Variants in CNTN5 observed in about 807,000 individuals in gnomAD.
The protein encoded by CNTN5 is contactin-5.
CNTN5 carries 77 observed loss-of-function variants against 129.1 expected under a neutral mutation model. The ratio of observed to expected loss-of-function variants is 0.60; its 90% CI spans 0.50 to 0.72. The LOEUF is 0.72. Among genes scored for constraint, CNTN5 ranks in the 30% least tolerant of loss-of-function variants. The pLI is 0.00. For missense variants in CNTN5, 1,478 were observed against 1,328.8 expected, an observed-to-expected ratio of 1.11 and a Z score of -1.75; for synonymous variants, 509 against 465.6, an observed-to-expected ratio of 1.09 and a Z score of -1.20.
chr11:99,309,984 A>T (rs952098304), intron 1 of CNTN5, among the ~76,000 whole-genome samples: 1 of 152,198 alleles, frequency 6.6e-6, no homozygotes, highest in Non-Finnish European at 1.5e-5. Flanking sequence ...CATTTATATT[A>T]TATGACTTTA....
rs11219967 is a variant in CNTN5, at chr11:99,446,206, A to G, written c.-70-109939A>G. On this transcript the variant is annotated intron_variant, in intron 2 of 24. Coordinates refer to ENST00000524871, the MANE Select transcript of CNTN5 (RefSeq NM_014361.4). Reference sequence around the variant, plus strand: ...TCTGCCTCTCAGATTGCTCTTATACAGTTTCCTTTGTTGATTTCTCTTATT... The same window carrying G: ...TCTGCCTCTCAGATTGCTCTTATACGGTTTCCTTTGTTGATTTCTCTTATT... Among the ~76,000 whole-genome samples the G allele has an allele frequency of 5.0e-3, 759 of 151,636 alleles. 3 individuals carry two copies. Among genetic ancestry groups the G allele is most frequent in the African/African-American group, 0.017 (684 of 41,334 alleles).
chr11:99,789,097 A>G (rs1945644455), intron 3 of CNTN5, among the ~76,000 whole-genome samples: 1 of 151,956 alleles, frequency 6.6e-6, no homozygotes, highest in Non-Finnish European at 1.5e-5. Context: ...ATTATAAGAA[A>G]TAGTCCTATG....
At position 99,118,092 on chromosome 11, in the gene CNTN5, T is replaced by C. The variant is rs140754193; in HGVS notation, c.-210+96822T>C. Among the ~76,000 whole-genome samples the C allele has an allele frequency of 2.1e-3, 316 of 152,282 alleles. 4 individuals are homozygous for C. The highest frequency in any genetic ancestry group is 9.8e-3 in the Admixed American group (150 of 15,274). On this transcript the variant is annotated intron_variant, in intron 1 of 24. Transcript: ENST00000524871. ...TATATATACACAAACACTATTCTGT[T>C]AGTATATACATAGGAATGGAATTGT...
chr11:100,052,214 A>T (rs1215168550), intron 9 of CNTN5, among the ~76,000 whole-genome samples: 1 of 151,942 alleles, frequency 6.6e-6, no homozygotes, highest in Non-Finnish European at 1.5e-5. Flanking sequence ...GTAGGATTAG[A>T]GGGAAACTTT....
At chr11:99,196,666 C>T (rs1159517810) in intron 1 of CNTN5, among the ~76,000 whole-genome samples, 1 of 151,436 alleles carries the variant, frequency 6.6e-6, no homozygotes, top group African/African-American at 2.4e-5. Flanking sequence ...TCCTTTGTGC[C>T]TCACATATCT....
At chr11:99,391,581 T>C (rs982009660) in intron 2 of CNTN5, among the ~76,000 whole-genome samples, 6 of 152,228 alleles carry the variant, frequency 3.9e-5, no homozygotes, top group South Asian at 2.1e-4. Flanking sequence ...TTGAAGTTGA[T>C]GCTCAGAGGA....
chr11:99,179,401 C>G (rs1857935753), intron 1 of CNTN5, among the ~76,000 whole-genome samples: 1 of 151,962 alleles, frequency 6.6e-6, no homozygotes, highest in Non-Finnish European at 1.5e-5. Flanking sequence ...AAGATCGTGC[C>G]ACTGCACTCC....
At chr11:100,214,370 T>C (rs902013964) in intron 15 of CNTN5, among the ~76,000 whole-genome samples, 2 of 152,180 alleles carry the variant, frequency 1.3e-5, no homozygotes, top group African/African-American at 4.8e-5. Context: ...AGGCCTTCTT[T>C]CCACTGCTAC....
intron 2 of CNTN5, among the ~76,000 whole-genome samples, chr11:99,381,627 T>C (rs931553757): frequency 6.6e-6 from 1 of 152,178 alleles, no homozygotes; most frequent in South Asian, 2.1e-4. Flanking sequence ...TAGAATGGTC[T>C]TTTCTACTTA....
chr11:99,962,155 T>C (rs1385141387), intron 8 of CNTN5, among the ~76,000 whole-genome samples: 1 of 152,180 alleles, frequency 6.6e-6, no homozygotes, highest in Non-Finnish European at 1.5e-5. Context: ...ATTATTTTTA[T>C]TCAAAAACTG....
chr11:99,644,966 A>G (rs1033209195), intron 3 of CNTN5, among the ~76,000 whole-genome samples: 11 of 151,946 alleles, frequency 7.2e-5, no homozygotes, highest in Non-Finnish European at 1.3e-4. Context: ...ACAAAAAGAT[A>G]TGAAAAAAAA....
rs920241759 is a variant in CNTN5, at chr11:99,971,568, AC to A, written c.877+14560del. 6.3e-4 allele frequency among the ~76,000 whole-genome samples: 95 copies of A among 150,586 alleles called. 1 individual carries two copies. The highest frequency in any genetic ancestry group is 3.4e-3 in the Middle Eastern group (1 of 290). On this transcript the variant is annotated intron_variant, in intron 8 of 24. Coordinates refer to ENST00000524871, the MANE Select transcript of CNTN5 (RefSeq NM_014361.4). ...CACATTAAAAACAAAAAACAAACAA[AC>A]AAAAAACTCTACAAAATAATCAACA...
At chr11:99,637,036 A>AAAAAAAAAAAAAAC (rs1951587076) in intron 3 of CNTN5, among the ~76,000 whole-genome samples, 1 of 138,656 alleles carries the variant, frequency 7.2e-6, no homozygotes, top group East Asian at 2.1e-4. Context: ...AAAAAAAAAA[A>AAAAAAAAAAAAAAC]AAAAAGTAAA....
intron 3 of CNTN5, among the ~76,000 whole-genome samples, chr11:99,623,773 C>T (rs1285642368): frequency 6.7e-6 from 1 of 149,974 alleles, no homozygotes; most frequent in Non-Finnish European, 1.5e-5. Context: ...AAAAGCTGTG[C>T]ACTAAGGTAT....
intron 15 of CNTN5, among the ~76,000 whole-genome samples, chr11:100,216,543 G>C (rs1170688185): frequency 6.6e-6 from 1 of 151,914 alleles, no homozygotes; most frequent in African/African-American, 2.4e-5. Flanking sequence ...GGACACGTCA[G>C]TTGTGGGTCA....
chr11:99,370,784 A>G (rs1939773283), intron 2 of CNTN5, among the ~76,000 whole-genome samples: 1 of 152,220 alleles, frequency 6.6e-6, no homozygotes, highest in Admixed American at 6.5e-5. Flanking sequence ...CCAGTTTGTA[A>G]AAGACTCTCG....
In CNTN5 at chr11:99,816,873, C is replaced by T. The variant is rs190963106; in HGVS notation, c.56-2671C>T. 1.2e-3 allele frequency among the ~76,000 whole-genome samples: 183 copies of T among 152,222 alleles called. 1 individual carries two copies. The highest frequency in any genetic ancestry group is 4.1e-3 in the African/African-American group (172 of 41,530). On this transcript the variant is annotated intron_variant, in intron 3 of 24. Coordinates refer to ENST00000524871, the MANE Select transcript of CNTN5 (RefSeq NM_014361.4). ...CACCAAGCAGGCCATGGTGCCTTTACTTTCAAGGTTTTTATATATTTTCTT... is the reference window on the plus strand; with the variant it reads ...CACCAAGCAGGCCATGGTGCCTTTATTTTCAAGGTTTTTATATATTTTCTT...
intron 8 of CNTN5, among the ~76,000 whole-genome samples, chr11:99,994,242 A>T (rs1384331018): frequency 1.3e-5 from 2 of 152,286 alleles, no homozygotes; most frequent in East Asian, 3.9e-4. Context: ...GATCTGACTC[A>T]TATCAGTCAA....
At chr11:99,710,599 G>GTA (rs1395576796) in intron 3 of CNTN5, among the ~76,000 whole-genome samples, 4 of 138,792 alleles carry the variant, frequency 2.9e-5, no homozygotes, top group Admixed American at 7.2e-5. Flanking sequence ...GTGTGTGTGT[G>GTA]TGTATGTATG....
Sources: gnomAD v4.1 joint callset for allele counts (sites outside exome capture counted in the v4.1 genomes callset) on GRCh38, gnomAD v4.1.1 for gene constraint, MANE v1.5 for transcripts, NCBI Gene and HGNC (gene_info 2026-07-23, HGNC 2026-07-21) for gene names.